The following PDE8B variants were observed in gnomAD, a reference collection of about 807,000 sequenced individuals.
PDE8B encodes the protein high affinity cAMP-specific and IBMX-insensitive 3',5'-cyclic phosphodiesterase 8B.
Under a neutral mutation model 101.3 loss-of-function variants are expected in PDE8B, and 26 were observed. That is an observed-to-expected ratio of 0.26 (90% CI 0.19 to 0.36). The LOEUF (loss-of-function observed/expected upper bound fraction) is 0.36, where lower values mean the gene tolerates loss of function less well. Ranked by LOEUF, PDE8B falls within the 10% of genes least tolerant of loss-of-function variation. The pLI is 1.00. For missense variants in PDE8B, 810 were observed against 1,163.1 expected (o/e 0.70, Z 4.42); for synonymous variants, 424 against 429.3 (o/e 0.99, Z 0.15).
In PDE8B at chr5:77,408,899, A is replaced by C; in HGVS notation, c.1372A>C (p.Asn458His). 6.2e-7 allele frequency: 1 copy of C among 1,612,570 alleles called. No homozygotes were observed. The highest frequency in any genetic ancestry group is 8.5e-7 in the Non-Finnish European group (1 of 1,178,560). ...TCTTTCTTCACTCCGTTAGGTTATAAATATAATCAATGCAGCCCAAGAAAA... is the reference window on the plus strand; with the variant it reads ...TCTTTCTTCACTCCGTTAGGTTATACATATAATCAATGCAGCCCAAGAAAA... ...TIEAPITKVI[N>H]IINAAQENSP... The change falls in exon 14 of 22, where the codon AAT becomes CAT. Residue 458 changes from asparagine to histidine, a missense_variant. Physicochemically the swap from Asn to His is moderately conservative, Grantham distance 68. Transcript: ENST00000264917.
intron 1 of PDE8B, among the ~76,000 whole-genome samples, chr5:77,253,770 C>A (rs926160895): frequency 6.6e-6 from 1 of 152,032 alleles, no homozygotes; most frequent in African/African-American, 2.4e-5. Context: ...AGAGGGCAAC[C>A]TTAGGTGATA....
At chr5:77,262,106 A>T (rs976371174) in intron 1 of PDE8B, among the ~76,000 whole-genome samples, 2 of 152,170 alleles carry the variant, frequency 1.3e-5, no homozygotes, top group Non-Finnish European at 2.9e-5. Context: ...AAATAGTAAC[A>T]GTATACTTCA....
rs7356782 is a variant in PDE8B, at chr5:77,233,909, G to A, written c.339+22645G>A. Among the ~76,000 whole-genome samples, 178 of 151,746 alleles carry A rather than the reference G, an allele frequency of 1.2e-3. 1 individual carries two copies. Among genetic ancestry groups the A allele is most frequent in the Non-Finnish European group, 2.1e-3 (143 of 67,958 alleles). ...CAGTATTTCACTGACTGGTGTTTAC[G>A]GCCCAAATCTGTTTTCATGCTTTCA... is the stretch of plus-strand genomic sequence containing the variant. On this transcript the variant is annotated intron_variant, in intron 1 of 21. Coordinates refer to ENST00000264917, the MANE Select transcript of PDE8B (RefSeq NM_003719.5).
At chr5:77,387,935 A>G (rs1322594813) in intron 10 of PDE8B, among the ~76,000 whole-genome samples, 1 of 151,830 alleles carries the variant, frequency 6.6e-6, no homozygotes, top group Non-Finnish European at 1.5e-5. Context: ...CAGGTCATTT[A>G]TGTTCTTCTC....
At chr5:77,155,874 A>G in the PDE8B span, among the ~76,000 whole-genome samples, 1 of 152,102 alleles carries the variant, frequency 6.6e-6, no homozygotes, top group East Asian at 1.9e-4. Flanking sequence ...AAAGCCAGGT[A>G]TTTTTCCCCT....
the PDE8B span, chr5:77,141,843 CAT>C: frequency 6.6e-6 from 1 of 152,054 alleles, no homozygotes; most frequent in Non-Finnish European, 1.5e-5. Context: ...TAAAATGTAA[CAT>C]ATTCACGTTC....
chr5:77,140,795 C>T, the PDE8B span: 1 of 152,168 alleles, frequency 6.6e-6, no homozygotes, highest in African/African-American at 2.4e-5. Flanking sequence ...ACATGGCAAC[C>T]CCCATTTCCT....
the PDE8B span, among the ~76,000 whole-genome samples, chr5:77,152,790 C>A: frequency 1.3e-5 from 2 of 152,218 alleles, no homozygotes; most frequent in South Asian, 4.2e-4. Context: ...CCTCCGCAGC[C>A]GGACCTGGGA....
intron 1 of PDE8B, among the ~76,000 whole-genome samples, chr5:77,214,989 A>G (rs1362766559): frequency 6.6e-6 from 1 of 152,212 alleles, no homozygotes; most frequent in African/African-American, 2.4e-5. Flanking sequence ...CAGAGTGCAT[A>G]GTACCACACT....
chr5:77,188,922 G>A, the PDE8B span, among the ~76,000 whole-genome samples: 1 of 152,194 alleles, frequency 6.6e-6, no homozygotes, highest in African/African-American at 2.4e-5. Flanking sequence ...GAAGGGAGAA[G>A]AGGCTGGGGA....
chr5:77,088,010 G>A, the PDE8B span: 4 of 152,168 alleles, frequency 2.6e-5, no homozygotes, highest in Non-Finnish European at 4.4e-5. Flanking sequence ...GCTGTCAGTG[G>A]GTGGGGAAGT....
intron 1 of PDE8B, among the ~76,000 whole-genome samples, chr5:77,241,331 T>C (rs1755729861): frequency 6.6e-6 from 1 of 152,308 alleles, no homozygotes; most frequent in South Asian, 2.1e-4. Flanking sequence ...AGAACCTTAA[T>C]TGATGTTTAA....
intron 12 of PDE8B, among the ~76,000 whole-genome samples, 165 bp from the exon 13 acceptor site, chr5:77,407,216 A>G (rs989864077): frequency 6.6e-6 from 1 of 152,188 alleles, no homozygotes; most frequent in African/African-American, 2.4e-5. Context: ...GGCAAGTAGC[A>G]GTTGGGCTAC....
chr5:77,277,599 T>C (rs1290601585), intron 1 of PDE8B, among the ~76,000 whole-genome samples: 1 of 152,244 alleles, frequency 6.6e-6, no homozygotes, highest in Non-Finnish European at 1.5e-5. Context: ...AGCTATATTT[T>C]TAAAATCTGT....
At chr5:77,280,502 G>A (rs544008673) in intron 1 of PDE8B, among the ~76,000 whole-genome samples, 106 of 152,348 alleles carry the variant, frequency 7.0e-4, no homozygotes, top group Non-Finnish European at 1.0e-3. Flanking sequence ...TCAACAGCAA[G>A]AAAATAACAT....
chr5:77,264,753 C>CTT (rs1443677588), intron 1 of PDE8B, among the ~76,000 whole-genome samples: 1 of 152,096 alleles, frequency 6.6e-6, no homozygotes, highest in Non-Finnish European at 1.5e-5. Context: ...GGAATCAAGT[C>CTT]TTTAAAATCA....
At chr5:77,173,367 G>C in the PDE8B span, among the ~76,000 whole-genome samples, 1 of 152,180 alleles carries the variant, frequency 6.6e-6, no homozygotes, top group Non-Finnish European at 1.5e-5. Context: ...TTACTGATCT[G>C]CATGGTCTAT....
At position 77,325,520 on chromosome 5, in the gene PDE8B, C is replaced by T. The variant is rs929487171; in HGVS notation, c.400-19C>T. ...TGGATGATGATTTATTTCAAGATGCCCTTTTTGTTGTGTTTCAGGTTTTGC... is the reference window on the plus strand; with the variant it reads ...TGGATGATGATTTATTTCAAGATGCTCTTTTTGTTGTGTTTCAGGTTTTGC... On this transcript the variant is annotated intron_variant, in intron 2 of 21. Coordinates refer to ENST00000264917, the MANE Select transcript of PDE8B (RefSeq NM_003719.5). 6 of 1,610,634 alleles carry T rather than the reference C, an allele frequency of 3.7e-6. No individual in the cohort carries two copies. Among genetic ancestry groups the T allele is most frequent in the East Asian group, 2.2e-5 (1 of 44,852 alleles).
chr5:77,340,046 G>T (rs1203814257), intron 6 of PDE8B, among the ~76,000 whole-genome samples: 1 of 152,106 alleles, frequency 6.6e-6, no homozygotes, highest in Admixed American at 6.5e-5. Context: ...CTCTTCTGAT[G>T]TTCTTACACC....
Sources: gnomAD v4.1 joint callset for allele counts (sites outside exome capture counted in the v4.1 genomes callset) on GRCh38, gnomAD v4.1.1 for gene constraint, MANE v1.5 for transcripts, NCBI Gene and HGNC (gene_info 2026-07-23, HGNC 2026-07-21) for gene names.